Variants in FBXO3 observed in about 807,000 individuals in gnomAD.
FBXO3 encodes the protein F-box protein 3.
Under a neutral mutation model 64.8 loss-of-function variants are expected in FBXO3, and 17 were observed. That is an observed-to-expected ratio of 0.26 (90% CI 0.18 to 0.39). FBXO3 has a LOEUF of 0.39. Ranked by LOEUF, FBXO3 falls within the 10% of genes least tolerant of loss-of-function variation. The pLI is 1.00. For missense variants in FBXO3, 420 were observed against 589.9 expected (o/e 0.71, Z 2.98); for synonymous variants, 182 against 201.6 (o/e 0.90, Z 0.82).
At chr11:33,762,861 C>A (rs553985162) in intron 3 of FBXO3, among the ~76,000 whole-genome samples, 1 of 152,016 alleles carries the variant, frequency 6.6e-6, no homozygotes, top group African/African-American at 2.4e-5. Flanking sequence ...AATTAATTCA[C>A]CCCATCTAGC....
intron 3 of FBXO3, among the ~76,000 whole-genome samples, chr11:33,759,768 G>T (rs202239876): frequency 5.5e-5 from 4 of 73,054 alleles, no homozygotes; most frequent in African/African-American, 1.2e-4. Flanking sequence ...ATTGGAGTTA[G>T]TAAACATGGA....
chr11:33,771,428 A>C (rs1454746818), intron 1 of FBXO3: 5 of 152,250 alleles, frequency 3.3e-5, no homozygotes, highest in African/African-American at 4.8e-5. Flanking sequence ...CAAAACATCG[A>C]ATGTTAGAAG....
At chr11:33,745,600 T>C (rs1590560662) in intron 10 of FBXO3, 1 of 152,126 alleles carries the variant, frequency 6.6e-6, no homozygotes, top group Non-Finnish European at 1.5e-5. Flanking sequence ...AAAATTAAAT[T>C]ACAAGGGAAA....
In FBXO3 at chr11:33,743,303, G is replaced by A. The variant is rs759013073; in HGVS notation, c.1240-1219C>T. Reference sequence around the variant, plus strand: ...TACCTTGTTGGAGGCTCTCAGATTAGGACAGTAGTGATGTTGAACATGCAT... The same window carrying A: ...TACCTTGTTGGAGGCTCTCAGATTAAGACAGTAGTGATGTTGAACATGCAT... On this transcript the variant is annotated intron_variant, in intron 10 of 10. Transcript: ENST00000265651. The surrounding 1 kb of genome is among the most constrained non-coding windows in gnomAD (Gnocchi z 4.6). 6.6e-6 allele frequency: 1 copy of A among 152,218 alleles called. No homozygotes were observed. Among genetic ancestry groups the A allele is most frequent in the African/African-American group, 2.4e-5 (1 of 41,440 alleles). 9.4% of individuals were successfully genotyped at this position (152,218 alleles called of 1,614,324 possible). A position where few individuals can be genotyped will look rare whatever the true frequency, so the allele number is the denominator to read the frequency against.
rs562721748 is a variant in FBXO3, at chr11:33,762,360, A to C, written c.359-3759T>G. On this transcript the variant is annotated intron_variant, in intron 3 of 10. Coordinates refer to ENST00000265651, the MANE Select transcript of FBXO3 (RefSeq NM_012175.4). ...GAAAATACATTGTTTTTAAGTATAC[A>C]CAAAACACTGACCAAAATAGATCAC... 1.8e-3 allele frequency among the ~76,000 whole-genome samples: 271 copies of C among 152,374 alleles called. 1 individual carries two copies. Among genetic ancestry groups the C allele is most frequent in the African/African-American group, 6.4e-3 (266 of 41,592 alleles).
At chr11:33,757,115 T>G in intron 4 of FBXO3, 1 of 516,924 alleles carries the variant, frequency 1.9e-6, no homozygotes, top group African/African-American at 1.9e-5. Flanking sequence ...CATCTGAAAT[T>G]GTAACAGAGC....
chr11:33,774,462 G>T lies in FBXO3; in HGVS notation c.36C>A (p.Thr12=), dbSNP rs1165645737. The stretch of plus-strand genomic sequence containing the variant: ...GGGGATCGGTGGGCAGCGACTCTAG[G>T]GTCAGCGGCGCCGTCTCGGTCTCCA... ...AAMETETAPL[T]LESLPTDPLL... The change falls in exon 1 of 11, where the codon ACC becomes ACA. Residue 12 remains threonine (T), a synonymous_variant. Coordinates refer to ENST00000265651, the MANE Select transcript of FBXO3 (RefSeq NM_012175.4). 1 of 1,593,768 alleles carries T rather than the reference G, an allele frequency of 6.3e-7. No individual in the cohort carries two copies. The highest frequency in any genetic ancestry group is 8.5e-7 in the Non-Finnish European group (1 of 1,170,810).
At chr11:33,749,367 T>TA (rs1181893953) in intron 8 of FBXO3, among the ~76,000 whole-genome samples, 1 of 151,582 alleles carries the variant, frequency 6.6e-6, no homozygotes, top group East Asian at 1.9e-4. Flanking sequence ...ACACTTTTTT[T>TA]TTTTTTTTTT....
intron 10 of FBXO3, chr11:33,744,359 T>C (rs947208559): frequency 7.1e-6 from 1 of 141,520 alleles, no homozygotes; most frequent in African/African-American, 2.6e-5. Context: ...CAGAGAGGAG[T>C]GGAAATGTGC....
chr11:33,753,674 C>T (rs1031893409), intron 6 of FBXO3: 10 of 152,114 alleles, frequency 6.6e-5, no homozygotes, highest in African/African-American at 2.4e-4. Context: ...TGGAATGTGC[C>T]ATAGTATGGA....
At chr11:33,746,407 G>C (rs1247059306) in intron 10 of FBXO3, 1 of 390,780 alleles carries the variant, frequency 2.6e-6, no homozygotes, top group African/African-American at 2.0e-5. Context: ...TTTCAAACTG[G>C]AGTTGAAAAT....
intron 9 of FBXO3, among the ~76,000 whole-genome samples, chr11:33,747,542 T>G (rs1854845534): frequency 6.6e-6 from 1 of 151,734 alleles, no homozygotes; most frequent in Non-Finnish European, 1.5e-5. Context: ...GACAGAGTCT[T>G]GCTCTGTTGC....
chr11:33,751,667 A>T, intron 6 of FBXO3, 60 bp from the exon 7 acceptor site: 1 of 974,874 alleles, frequency 1.0e-6, no homozygotes, highest in Non-Finnish European at 1.5e-6. Flanking sequence ...AAATCTATAC[A>T]GGAAACAATT....
chr11:33,765,509 G>A (rs1218935935), intron 3 of FBXO3, among the ~76,000 whole-genome samples: 1 of 152,150 alleles, frequency 6.6e-6, no homozygotes, highest in African/African-American at 2.4e-5. Flanking sequence ...GGAAATGTAT[G>A]TTTACAATAC....
chr11:33,771,010 C>T lies in FBXO3; in HGVS notation c.105-180G>A, dbSNP rs1590590157. The T allele has an allele frequency of 8.3e-6, 4 of 482,394 alleles. No individual in the cohort carries two copies. The East Asian group carries it at 1.3e-4, about 16-fold the overall frequency. 29.9% of individuals were successfully genotyped at this position (482,394 alleles called of 1,614,324 possible). A position where few individuals can be genotyped will look rare whatever the true frequency, so the allele number is the denominator to read the frequency against. ...TTTAACATGTTAAGTAGTATAATTGCCTTGTTAGTAGTGAAACTGAGTTCA... is the reference window on the plus strand; with the variant it reads ...TTTAACATGTTAAGTAGTATAATTGTCTTGTTAGTAGTGAAACTGAGTTCA... On this transcript the variant is annotated intron_variant, in intron 1 of 10. Transcript: ENST00000265651.
Position 33,770,834 on chromosome 11 carries a change from G to A in FBXO3, c.105-4C>T. On this transcript the variant is annotated splice_polypyrimidine_tract_variant and splice_region_variant and intron_variant, in intron 1 of 10. Transcript: ENST00000265651. ...TCTTCGACTGACATAACAACAGCTG[G>A]CAGTAACCAGATTCACCGATAGTAT... 6.3e-7 allele frequency: 1 copy of A among 1,586,730 alleles called. No individual in the cohort carries two copies.
intron 3 of FBXO3, 115 bp downstream of exon 3, chr11:33,768,736 A>C: frequency 8.4e-7 from 1 of 1,196,356 alleles, no homozygotes; most frequent in Non-Finnish European, 1.2e-6. Flanking sequence ...AGTAAATCAC[A>C]GACAAAGTTG....
intron 3 of FBXO3, among the ~76,000 whole-genome samples, chr11:33,766,270 T>C (rs1358938545): frequency 2.6e-5 from 4 of 152,244 alleles, no homozygotes; most frequent in African/African-American, 9.6e-5. Flanking sequence ...TTTGATACCT[T>C]GCATGAGTCA....
In FBXO3 at chr11:33,743,745, C is replaced by G. The variant is rs1050727906; in HGVS notation, c.1240-1661G>C. ...CCACATATCCACCTAATTCCCTCTG[C>G]TCCTTTCACGTTTCAGCTTAAATGT... is the stretch of plus-strand genomic sequence containing the variant. On this transcript the variant is annotated intron_variant, in intron 10 of 10. Transcript: ENST00000265651. The surrounding 1 kb of genome is among the most constrained non-coding windows in gnomAD (Gnocchi z 4.6). 1.3e-5 allele frequency: 2 copies of G among 152,322 alleles called. No individual in the cohort carries two copies. Among genetic ancestry groups the G allele is most frequent in the Admixed American group, 6.5e-5 (1 of 15,286 alleles). 9.4% of individuals were successfully genotyped at this position (152,322 alleles called of 1,614,324 possible).
Sources: allele counts gnomAD v4.1 joint callset (sites outside exome capture counted in the v4.1 genomes callset), GRCh38; gene constraint gnomAD v4.1.1; non-coding constraint Gnocchi (gnomAD v3.1); transcripts MANE v1.5; gene names NCBI Gene and HGNC (gene_info 2026-07-23, HGNC 2026-07-21).